ABAT: variants seen among roughly 807,000 people sequenced by gnomAD.
The protein encoded by ABAT is 4-aminobutyrate aminotransferase, mitochondrial.
A neutral mutation model predicts 64.6 loss-of-function variants in ABAT; 45 were observed. The observed-to-expected ratio is 0.70, with a 90% confidence interval of 0.55 to 0.89. The LOEUF (loss-of-function observed/expected upper bound fraction) is 0.89, where lower values mean the gene tolerates loss of function less well. Ranked by LOEUF, ABAT falls within the 40% of genes least tolerant of loss-of-function variation. ABAT has a pLI of 0.00. For missense variants in ABAT, 633 were observed against 658.4 expected, an observed-to-expected ratio of 0.96 and a Z score of 0.42; for synonymous variants, 297 against 250.5, an observed-to-expected ratio of 1.19 and a Z score of -1.75.
rs1414715934 is a variant in ABAT, at chr16:8,743,422, G to GTT, written c.71-2578_71-2577dup. On this transcript the variant is annotated intron_variant, in intron 2 of 15. Coordinates refer to ENST00000268251, the MANE Select transcript of ABAT (RefSeq NM_020686.6). The stretch of plus-strand genomic sequence containing the variant: ...AGTCCCCTCTTGTGTAATGGAAACA[G>GTT]TTATATATATATATATATATATACA... Among the ~76,000 whole-genome samples, 209 of 20,934 alleles carry GTT rather than the reference G, an allele frequency of 1.0e-2. 1 individual carries two copies. The highest frequency in any genetic ancestry group is 0.074 in the African/African-American group (185 of 2,486). The allele number at this position is 20,934 out of a possible 152,430, so 13.7% of individuals were successfully genotyped here.
Position 8,776,556 on chromosome 16 carries a change from A to G in ABAT, c.1269+66A>G. ...TCCCCGCAGCAGCCTCCGGGGCAAC[A>G]CTGGAGCTCTTCGGCATGGTGTTGT... On this transcript the variant is annotated intron_variant, in intron 14 of 15. Transcript: ENST00000268251. The surrounding 1 kb of genome is among the most constrained non-coding windows in gnomAD (Gnocchi z 4.4). 1 of 1,469,716 alleles carries G rather than the reference A, an allele frequency of 6.8e-7. No homozygotes were observed. The highest frequency in any genetic ancestry group is 9.3e-7 in the Non-Finnish European group (1 of 1,078,132). 91.0% of individuals were successfully genotyped at this position (1,469,716 alleles called of 1,614,324 possible).
chr16:8,779,566 C>A lies in ABAT; in HGVS notation c.1357C>A (p.Leu453Ile). The change falls in exon 15 of 16, where the codon CTC becomes ATC. Residue 453 changes from leucine (L) to isoleucine (I), a missense_variant. Physicochemically the swap from Leu to Ile is conservative, Grantham distance 5 (BLOSUM62 2). Transcript: ENST00000268251. ...TCCCGATGATTCCATACGGAATAAG[C>A]TCATTTTAATTGCCAGAAACAAAGG... ...DTPDDSIRNK[L>I]ILIARNKGVV... The A allele has an allele frequency of 6.2e-7, 1 of 1,614,108 alleles. No homozygotes were observed. Among genetic ancestry groups the A allele is most frequent in the African/African-American group, 1.3e-5 (1 of 75,030 alleles).
chr16:8,780,183 C>G (rs1007321796), intron 15 of ABAT, among the ~76,000 whole-genome samples: 1 of 151,658 alleles, frequency 6.6e-6, no homozygotes. Flanking sequence ...GGCGTGAAGG[C>G]GAACGGTTGG....
At chr16:8,732,206 TTTGTTTGTTTG>T in intron 1 of ABAT, among the ~76,000 whole-genome samples, 1 of 26,176 alleles carries the variant, frequency 3.8e-5, no homozygotes, top group South Asian at 3.0e-3. Context: ...GTTTTTTTTT[TTTGTTTGTTTG>T]TTTTTTTAAT....
chr16:8,682,514 T>A (rs1465993277), intron 1 of ABAT, among the ~76,000 whole-genome samples: 1 of 152,154 alleles, frequency 6.6e-6, no homozygotes, highest in Non-Finnish European at 1.5e-5. Context: ...TTGATGCCCC[T>A]GCCCACCAGA....
At chr16:8,750,371 A>G (rs760691685) in intron 4 of ABAT, 51 bp from the exon 5 acceptor site, 6 of 1,474,686 alleles carry the variant, frequency 4.1e-6, no homozygotes, top group Non-Finnish European at 5.7e-6. Flanking sequence ...CTAAAAGCCC[A>G]AGAATCTAGG....
At chr16:8,715,004 G>A (rs1342171043) in intron 1 of ABAT, 1 of 152,168 alleles carries the variant, frequency 6.6e-6, no homozygotes, top group Non-Finnish European at 1.5e-5. Context: ...CTGCTTCCCG[G>A]AAATCTTTAA....
intron 15 of ABAT, 49 bp downstream of exon 15, chr16:8,779,639 C>G: frequency 7.0e-7 from 1 of 1,438,762 alleles, no homozygotes; most frequent in Non-Finnish European, 9.7e-7. Flanking sequence ...CCAGTATCTC[C>G]TGCTGTAGCT....
At chr16:8,774,785 C>G in intron 12 of ABAT, 105 bp from the exon 13 acceptor site, 2 of 1,400,052 alleles carry the variant, frequency 1.4e-6, no homozygotes, top group Non-Finnish European at 2.0e-6. Context: ...AAAACAAGCA[C>G]GATGTGTGTG....
chr16:8,686,402 T>C (rs2057457136), intron 1 of ABAT, among the ~76,000 whole-genome samples: 1 of 152,110 alleles, frequency 6.6e-6, no homozygotes, highest in Non-Finnish European at 1.5e-5. Context: ...CCAGGAGGGA[T>C]TCAGAGGCAG....
At chr16:8,695,562 A>G (rs1162118073) in intron 1 of ABAT, among the ~76,000 whole-genome samples, 1 of 152,204 alleles carries the variant, frequency 6.6e-6, no homozygotes, top group Non-Finnish European at 1.5e-5. Flanking sequence ...CAGTCTGCAA[A>G]CTGGCACTAC....
Position 8,781,205 on chromosome 16 carries a change from G to A in ABAT, c.1382-104G>A, listed in dbSNP as rs752480172. 5.1e-6 allele frequency: 8 copies of A among 1,555,778 alleles called. No individual in the cohort carries two copies. The South Asian group carries it at 8.9e-5, about 17-fold the overall frequency. On this transcript the variant is annotated intron_variant, in intron 15 of 15. Transcript: ENST00000268251. This position sits in a 1 kb window ranked among gnomAD's most constrained non-coding sequence, Gnocchi z 4.5. Reference sequence around the variant, plus strand: ...GATGGAGGATGATGGATGGATGGATGGATGGATGGATGAGCGTTGCCAACA... The same window carrying A: ...GATGGAGGATGATGGATGGATGGATAGATGGATGGATGAGCGTTGCCAACA...
At chr16:8,689,788 G>C (rs1046653509) in intron 1 of ABAT, among the ~76,000 whole-genome samples, 1 of 152,190 alleles carries the variant, frequency 6.6e-6, no homozygotes, top group Non-Finnish European at 1.5e-5. Flanking sequence ...GGTGGGAACA[G>C]CATCTGCAAA....
intron 9 of ABAT, among the ~76,000 whole-genome samples, chr16:8,766,733 C>G (rs2059957415): frequency 6.6e-6 from 1 of 152,072 alleles, no homozygotes; most frequent in Admixed American, 6.6e-5. Flanking sequence ...CTTTGGGAGG[C>G]CGAGGCGGGT....
At chr16:8,724,918 T>TC (rs1283288665) in intron 1 of ABAT, among the ~76,000 whole-genome samples, 6 of 126,852 alleles carry the variant, frequency 4.7e-5, no homozygotes, top group Admixed American at 7.5e-5. Flanking sequence ...TATCTCTTTT[T>TC]TCTTTTTTTT....
intron 1 of ABAT, among the ~76,000 whole-genome samples, chr16:8,681,959 G>A (rs568793993): frequency 2.6e-5 from 4 of 152,094 alleles, no homozygotes; most frequent in South Asian, 4.2e-4. Flanking sequence ...TACTACTGAC[G>A]TGGAAGCGAG....
At chr16:8,739,546 C>T (rs961405071) in intron 2 of ABAT, among the ~76,000 whole-genome samples, 31 of 151,962 alleles carry the variant, frequency 2.0e-4, no homozygotes, top group Non-Finnish European at 4.0e-4. Flanking sequence ...GATGAAACCC[C>T]GTCTCTACTA....
intron 1 of ABAT, among the ~76,000 whole-genome samples, chr16:8,697,731 G>A (rs2142006066): frequency 6.6e-6 from 1 of 152,118 alleles, no homozygotes; most frequent in South Asian, 2.1e-4. Flanking sequence ...CACCTCCCAG[G>A]TTCAAGAGAT....
rs1368710172 is a variant in ABAT, at chr16:8,764,513, C to CT, written c.448-221dup. Among the ~76,000 whole-genome samples the CT allele has an allele frequency of 1.3e-5, 2 of 152,178 alleles. No individual in the cohort carries two copies. The highest frequency in any genetic ancestry group is 3.9e-4 in the East Asian group (2 of 5,182). On this transcript the variant is annotated intron_variant, in intron 7 of 15. Coordinates refer to ENST00000268251, the MANE Select transcript of ABAT (RefSeq NM_020686.6). The surrounding 1 kb of genome is among the most constrained non-coding windows in gnomAD (Gnocchi z 4.2). Reference sequence around the variant, plus strand: ...CAGTGGCAGGTGCATCAGGAGTGGGCTTTTGCCCCCCTTCTTTCCTCTCTG... The same window carrying CT: ...CAGTGGCAGGTGCATCAGGAGTGGGCTTTTTGCCCCCCTTCTTTCCTCTCTG...
Sources: allele counts gnomAD v4.1 joint callset (sites outside exome capture counted in the v4.1 genomes callset), GRCh38; gene constraint gnomAD v4.1.1; non-coding constraint Gnocchi (gnomAD v3.1); transcripts MANE v1.5; gene names NCBI Gene and HGNC (gene_info 2026-07-23, HGNC 2026-07-21).